The following TMEFF2 variants were observed in gnomAD, a reference collection of about 807,000 sequenced individuals.
The protein encoded by TMEFF2 is transmembrane protein with EGF like and two follistatin like domains 2, also known as tomoregulin-2.
Under a neutral mutation model 53.8 loss-of-function variants are expected in TMEFF2, and 28 were observed. The observed-to-expected ratio is 0.52, with a 90% CI of 0.39 to 0.71. TMEFF2 has a LOEUF of 0.71. TMEFF2 is among the 30% of genes least tolerant of loss of function. The pLI, the probability that TMEFF2 is intolerant of heterozygous loss-of-function variation, is 0.00. For synonymous variants in TMEFF2, 162 were observed against 166.3 expected (o/e 0.97, Z 0.20); for missense variants, 353 against 455.2 (o/e 0.78, Z 2.04).
At chr2:192,010,522 C>CT (rs76444188) in intron 5 of TMEFF2, among the ~76,000 whole-genome samples, 67,796 of 151,644 alleles carry the variant, frequency 0.45, 17,782 homozygotes, top group Middle Eastern at 0.58. Flanking sequence ...ATTACTGCCA[C>CT]TTTTTTTTCC....
At chr2:192,118,835 T>C (rs1689478329) in intron 4 of TMEFF2, among the ~76,000 whole-genome samples, 2 of 152,130 alleles carry the variant, frequency 1.3e-5, no homozygotes, top group African/African-American at 4.8e-5. Context: ...AGCCCTTTAT[T>C]CTGATGCCAA....
chr2:192,023,646 C>T (rs946262385), intron 5 of TMEFF2, among the ~76,000 whole-genome samples: 2 of 151,922 alleles, frequency 1.3e-5, no homozygotes, highest in Non-Finnish European at 2.9e-5. Flanking sequence ...TGGCTTTGCA[C>T]TTATGCTAAT....
At chr2:192,071,104 TAA>T (rs894948050) in intron 4 of TMEFF2, among the ~76,000 whole-genome samples, 15 of 151,810 alleles carry the variant, frequency 9.9e-5, no homozygotes, top group African/African-American at 3.1e-4. Flanking sequence ...AGAGAGATAG[TAA>T]AAAGTGTCAA....
At chr2:192,172,617 G>A (rs917183475) in intron 4 of TMEFF2, among the ~76,000 whole-genome samples, 1 of 151,938 alleles carries the variant, frequency 6.6e-6, no homozygotes. Flanking sequence ...ATGGGATTAG[G>A]GTTAGATAAA....
chr2:192,084,045 A>G, intron 4 of TMEFF2, among the ~76,000 whole-genome samples: 1 of 152,254 alleles, frequency 6.6e-6, no homozygotes, highest in East Asian at 1.9e-4. Flanking sequence ...TAATACTCAA[A>G]ATAGCTCTAT....
intron 4 of TMEFF2, among the ~76,000 whole-genome samples, chr2:192,096,380 A>G (rs1038367883): frequency 1.3e-5 from 2 of 152,172 alleles, no homozygotes; most frequent in Non-Finnish European, 2.9e-5. Flanking sequence ...GGGTACTATT[A>G]TAAGAGGTTT....
At chr2:191,974,663 T>A (rs1414223972) in intron 7 of TMEFF2, among the ~76,000 whole-genome samples, 4 of 152,174 alleles carry the variant, frequency 2.6e-5, no homozygotes, top group African/African-American at 9.7e-5. Flanking sequence ...GCATTCTTTT[T>A]TATGTTTCTT....
At position 191,981,072 on chromosome 2, in the gene TMEFF2, GT is replaced by G. The variant is rs920494240; in HGVS notation, c.745+17189del. 8.4e-4 allele frequency among the ~76,000 whole-genome samples: 124 copies of G among 148,300 alleles called. No individual in the cohort carries two copies. The Middle Eastern group carries it at 0.01, about 13-fold the overall frequency. The stretch of plus-strand genomic sequence containing the variant: ...AGCCTGTTCTTCACTCTGCTGCCAG[GT>G]TTTTTTTTTTTATTTAATAAAAAAT... On this transcript the variant is annotated intron_variant, in intron 7 of 9. Coordinates refer to ENST00000272771, the MANE Select transcript of TMEFF2 (RefSeq NM_016192.4).
intron 5 of TMEFF2, among the ~76,000 whole-genome samples, chr2:192,007,800 A>C (rs906030204): frequency 1.3e-5 from 2 of 152,128 alleles, no homozygotes; most frequent in Non-Finnish European, 2.9e-5. Context: ...AGGTATAGAG[A>C]CAAGGAAGGA....
At chr2:192,106,189 AAAT>A (rs1374126038) in intron 4 of TMEFF2, among the ~76,000 whole-genome samples, 1 of 151,810 alleles carries the variant, frequency 6.6e-6, no homozygotes, top group Non-Finnish European at 1.5e-5. Context: ...CATTCATTAA[AAAT>A]AATGTTTGAG....
At chr2:192,004,182 G>T (rs1366738384) in intron 5 of TMEFF2, among the ~76,000 whole-genome samples, 1 of 152,138 alleles carries the variant, frequency 6.6e-6, no homozygotes, top group African/African-American at 2.4e-5. Context: ...ACCTAGGAGA[G>T]ATAACTTTGT....
At chr2:192,124,793 C>T (rs150012486) in intron 4 of TMEFF2, among the ~76,000 whole-genome samples, 197 of 152,238 alleles carry the variant, frequency 1.3e-3, no homozygotes, top group African/African-American at 4.5e-3. Context: ...TAAGAGGAAA[C>T]ATTCTTCCAA....
chr2:192,139,853 A>T (rs946814344), intron 4 of TMEFF2, among the ~76,000 whole-genome samples: 1 of 152,184 alleles, frequency 6.6e-6, no homozygotes, highest in Non-Finnish European at 1.5e-5. Flanking sequence ...GTAGCTATAG[A>T]AGAGCCCTAC....
chr2:192,153,218 T>C (rs1453981745), intron 4 of TMEFF2, among the ~76,000 whole-genome samples: 2 of 151,756 alleles, frequency 1.3e-5, no homozygotes, highest in Non-Finnish European at 2.9e-5. Context: ...TAAACCAAAT[T>C]ATATTTTTCT....
At chr2:191,971,833 A>G (rs1692650142) in intron 7 of TMEFF2, among the ~76,000 whole-genome samples, 1 of 152,220 alleles carries the variant, frequency 6.6e-6, no homozygotes, top group South Asian at 2.1e-4. Context: ...CAACATCTAA[A>G]TTAGAAATGT....
chr2:192,138,481 C>G (rs1690062949), intron 4 of TMEFF2, among the ~76,000 whole-genome samples: 1 of 152,226 alleles, frequency 6.6e-6, no homozygotes, highest in Admixed American at 6.5e-5. Flanking sequence ...CAAAGCTTCT[C>G]ACCCCATAGG....
At position 191,953,630 on chromosome 2, in the gene TMEFF2, G is replaced by A. The variant is rs774223694; in HGVS notation, c.1028+49C>T. On this transcript the variant is annotated intron_variant, in intron 9 of 9. Coordinates refer to ENST00000272771, the MANE Select transcript of TMEFF2 (RefSeq NM_016192.4). ...CGGAGGGATCTGATTAAATAAAAGA[G>A]TAACAATATATCCCTTTATTTGGGT... is the stretch of plus-strand genomic sequence containing the variant. 4 of 1,588,148 alleles carry A rather than the reference G, an allele frequency of 2.5e-6. No individual in the cohort carries two copies. The South Asian group carries it at 3.5e-5, about 14-fold the overall frequency.
At chr2:192,107,067 A>G (rs780576596) in intron 4 of TMEFF2, among the ~76,000 whole-genome samples, 4 of 151,728 alleles carry the variant, frequency 2.6e-5, no homozygotes, top group Admixed American at 1.3e-4. Flanking sequence ...AGTAATAGTG[A>G]AATATAAGGC....
chr2:192,130,197 T>C (rs914219526), intron 4 of TMEFF2, among the ~76,000 whole-genome samples: 1 of 149,394 alleles, frequency 6.7e-6, no homozygotes, highest in African/African-American at 2.5e-5. Context: ...ATAAAATAAT[T>C]TAAACTAAAG....
Sources: allele counts gnomAD v4.1 joint callset (sites outside exome capture counted in the v4.1 genomes callset), GRCh38; gene constraint gnomAD v4.1.1; transcripts MANE v1.5; gene names NCBI Gene and HGNC (gene_info 2026-07-23, HGNC 2026-07-21).